Variants in SDK1 observed in about 807,000 individuals in gnomAD.
SDK1 encodes the protein protein sidekick-1.
A neutral mutation model predicts 245.5 loss-of-function variants in SDK1; 157 were observed. The ratio of observed to expected loss-of-function variants is 0.64; its 90% CI spans 0.56 to 0.73. The LOEUF is 0.73. Ranked by LOEUF, SDK1 falls within the 30% of genes least tolerant of loss-of-function variation. The pLI is 0.00. For missense variants in SDK1, 3,583 were observed against 3,002.3 expected (o/e 1.19, Z -4.52); for synonymous variants, 1,647 against 1,278.5 (o/e 1.29, Z -6.15).
In SDK1 at chr7:3,723,935, T is replaced by C. The variant is rs545275568; in HGVS notation, c.713+81830T>C. ...ATATATATATACACGTATATATATA[T>C]ATATATATAGAGAGAGAGAGAGAGA... On this transcript the variant is annotated intron_variant, in intron 4 of 44. Coordinates refer to ENST00000404826, the MANE Select transcript of SDK1 (RefSeq NM_152744.4). 1.2e-4 allele frequency among the ~76,000 whole-genome samples: 14 copies of C among 120,322 alleles called. 1 individual carries two copies. Among genetic ancestry groups the C allele is most frequent in the Admixed American group, 8.7e-4 (10 of 11,508 alleles). 78.9% of individuals were successfully genotyped at this position (120,322 alleles called of 152,430 possible). A position where few individuals can be genotyped will look rare whatever the true frequency, so the allele number is the denominator to read the frequency against.
At chr7:3,459,718 C>T (rs889457278) in intron 1 of SDK1, among the ~76,000 whole-genome samples, 4 of 152,162 alleles carry the variant, frequency 2.6e-5, no homozygotes, top group African/African-American at 7.2e-5. Context: ...ACCTCCTGGT[C>T]GATCATGAAT....
intron 28 of SDK1, among the ~76,000 whole-genome samples, chr7:4,142,840 A>G (rs1220604291): frequency 3.9e-5 from 6 of 152,238 alleles, no homozygotes; most frequent in Admixed American, 2.6e-4. Flanking sequence ...AATCATAACA[A>G]TATTGAATGT....
chr7:3,919,571 G>A (rs1163361450), intron 5 of SDK1, among the ~76,000 whole-genome samples: 1 of 152,192 alleles, frequency 6.6e-6, no homozygotes, highest in Non-Finnish European at 1.5e-5. Flanking sequence ...TATCCATAAT[G>A]TCGAGGCATT....
At chr7:4,194,604 G>T (rs931304371) in intron 35 of SDK1, among the ~76,000 whole-genome samples, 3 of 152,060 alleles carry the variant, frequency 2.0e-5, no homozygotes, top group Non-Finnish European at 4.4e-5. Flanking sequence ...GAACAACTTG[G>T]AGTCTGATAT....
chr7:3,438,847 A>ATTT (rs1562486729), intron 1 of SDK1, among the ~76,000 whole-genome samples: 3 of 110,108 alleles, frequency 2.7e-5, no homozygotes, highest in Admixed American at 9.8e-5. Context: ...CTTTGTATTA[A>ATTT]TATTTTTTTT....
At chr7:3,750,948 G>T (rs941907357) in intron 4 of SDK1, among the ~76,000 whole-genome samples, 2 of 152,202 alleles carry the variant, frequency 1.3e-5, no homozygotes, top group Non-Finnish European at 2.9e-5. Flanking sequence ...TCCTCTTTAT[G>T]CGACTGTTTT....
intron 44 of SDK1, among the ~76,000 whole-genome samples, chr7:4,264,401 TGGGGTAAGGAAGGCCGCGTGGACCTCTCC>T (rs1788300998): frequency 7.5e-6 from 1 of 133,436 alleles, no homozygotes; most frequent in African/African-American, 2.7e-5. Context: ...GGACCTCTCC[TGGGGTAAGGAAGGCCGCGTGGACCTCTCC>T]TGGGGTAAGG....
At chr7:3,440,810 C>G (rs980034599) in intron 1 of SDK1, among the ~76,000 whole-genome samples, 1 of 152,052 alleles carries the variant, frequency 6.6e-6, no homozygotes, top group Admixed American at 6.6e-5. Flanking sequence ...AAAGTTATGG[C>G]CACAATGTGT....
intron 1 of SDK1, among the ~76,000 whole-genome samples, chr7:3,352,365 A>G (rs895229592): frequency 2.0e-5 from 3 of 152,022 alleles, no homozygotes; most frequent in Admixed American, 6.6e-5. Context: ...TGGGATTAGG[A>G]AAGTAATTGT....
chr7:3,940,685 G>T (rs982937776), intron 5 of SDK1, among the ~76,000 whole-genome samples: 6 of 152,060 alleles, frequency 3.9e-5, no homozygotes, highest in Admixed American at 6.6e-5. Flanking sequence ...GCCGGGTGTC[G>T]TGGCAGGCGC....
In SDK1 at chr7:4,076,545, A is replaced by C. The variant is rs373598668; in HGVS notation, c.3011-453A>C. 3.4e-5 allele frequency among the ~76,000 whole-genome samples: 5 copies of C among 148,358 alleles called. No homozygotes were observed. In the East Asian group the frequency reaches 9.6e-4, roughly 29 times the overall value. Reference sequence around the variant, plus strand: ...CACTTCAGCCTGGGCAACAGACTCAAAAATAAATAGATAGATACATACATA... The same window carrying C: ...CACTTCAGCCTGGGCAACAGACTCACAAATAAATAGATAGATACATACATA... On this transcript the variant is annotated intron_variant, in intron 20 of 44. Transcript: ENST00000404826.
At chr7:4,025,297 T>G (rs1263479531) in intron 17 of SDK1, among the ~76,000 whole-genome samples, 1 of 152,218 alleles carries the variant, frequency 6.6e-6, no homozygotes, top group Non-Finnish European at 1.5e-5. Flanking sequence ...AACAGAGGAT[T>G]CATCAGGGTC....
intron 1 of SDK1, among the ~76,000 whole-genome samples, chr7:3,571,762 G>C (rs549187793): frequency 6.6e-6 from 1 of 152,010 alleles, no homozygotes; most frequent in Admixed American, 6.6e-5. Context: ...TCAGAGAATG[G>C]GATTAAATTT....
intron 17 of SDK1, among the ~76,000 whole-genome samples, chr7:4,029,355 C>A (rs917045412): frequency 2.6e-5 from 4 of 151,804 alleles, no homozygotes; most frequent in African/African-American, 9.7e-5. Flanking sequence ...GGATTATGGG[C>A]ACGTGCCACC....
intron 4 of SDK1, among the ~76,000 whole-genome samples, chr7:3,722,127 T>C: frequency 6.6e-6 from 1 of 152,152 alleles, no homozygotes. Context: ...TGATCTTCCT[T>C]CCTTGGACTC....
At chr7:3,921,769 C>A (rs1056124337) in intron 5 of SDK1, among the ~76,000 whole-genome samples, 23 of 151,976 alleles carry the variant, frequency 1.5e-4, no homozygotes, top group Non-Finnish European at 2.5e-4. Flanking sequence ...AGCTCAAGAG[C>A]AGCCTGGGCA....
intron 5 of SDK1, among the ~76,000 whole-genome samples, chr7:3,904,821 G>A (rs1359532301): frequency 1.3e-5 from 2 of 151,976 alleles, no homozygotes; most frequent in Non-Finnish European, 2.9e-5. Context: ...ATAGAATCCC[G>A]TCTCTACTGA....
chr7:3,967,595 A>G (rs1583665581), intron 10 of SDK1, among the ~76,000 whole-genome samples, 161 bp downstream of exon 10: 2 of 152,352 alleles, frequency 1.3e-5, no homozygotes, highest in Admixed American at 6.5e-5. Context: ...TTTTGGCACC[A>G]GGGACCTGTT....
chr7:4,153,831 C>T (rs150008027), intron 30 of SDK1, among the ~76,000 whole-genome samples: 5 of 144,604 alleles, frequency 3.5e-5, no homozygotes, highest in African/African-American at 1.3e-4. Flanking sequence ...CATATGCTAT[C>T]GTGCCTGGCT....
Sources: allele counts gnomAD v4.1 joint callset (sites outside exome capture counted in the v4.1 genomes callset), GRCh38; gene constraint gnomAD v4.1.1; transcripts MANE v1.5; gene names NCBI Gene and HGNC (gene_info 2026-07-23, HGNC 2026-07-21).